The following TLR5 variants were observed in gnomAD, a reference collection of about 807,000 sequenced individuals.
TLR5 encodes toll-like receptor 5.
For synonymous variants in TLR5, 373 were observed against 384.4 expected (o/e 0.97, Z 0.35); for missense variants, 944 against 999.8 (o/e 0.94, Z 0.75).
At chr1:223,117,067 G>C (rs879581618) in intron 5 of TLR5, among the ~76,000 whole-genome samples, 1 of 152,190 alleles carries the variant, frequency 6.6e-6, no homozygotes, top group Non-Finnish European at 1.5e-5. Flanking sequence ...AGGGGGACTC[G>C]GGTATGGCGG....
intron 5 of TLR5, among the ~76,000 whole-genome samples, chr1:223,119,290 C>A (rs1100886): frequency 0.67 from 101,712 of 151,958 alleles, 35,549 homozygotes; most frequent in African/African-American, 0.88. Context: ...GCTCAAAATT[C>A]CCTCAGAACC....
chr1:223,121,180 T>TCATCTTCTAGTTGCACATAAG (rs1271448509), intron 5 of TLR5, among the ~76,000 whole-genome samples: 1 of 152,256 alleles, frequency 6.6e-6, no homozygotes, highest in Non-Finnish European at 1.5e-5. Context: ...TTAACTCATT[T>TCATCTTCTAGTTGCACATAAG]CATCTTCTAG....
At chr1:223,129,383 T>TA (rs1423555001) in intron 5 of TLR5, 3 of 152,462 alleles carry the variant, frequency 2.0e-5, no homozygotes, top group African/African-American at 7.2e-5. Context: ...CTCTTGCCCC[T>TA]AGCCCACCAG....
At position 223,110,283 on chromosome 1, in the gene TLR5, G is replaced by A. The variant is rs765456726; in HGVS notation, c.*172C>T. 158 of 668,242 alleles carry A rather than the reference G, an allele frequency of 2.4e-4. No individual in the cohort carries two copies. The highest frequency in any genetic ancestry group is 7.7e-4 in the South Asian group (40 of 52,088). The allele number at this position is 668,242 out of a possible 1,614,324, so 41.4% of individuals were successfully genotyped here. A position where few individuals can be genotyped will look rare whatever the true frequency, so the allele number is the denominator to read the frequency against. ...TAGATCTATTATTTTCCATTTGGAG[G>A]TTAGTGAGACAGAACATGGTGTTGA... On this transcript the variant is annotated 3_prime_UTR_variant, in exon 6 of 6. Coordinates refer to ENST00000642603, the MANE Select transcript of TLR5 (RefSeq NM_003268.6).
rs1656384031 is a variant in TLR5, at chr1:223,112,184, G to T, written c.848C>A (p.Ala283Asp). Residue 283 changes from alanine to aspartate, a missense_variant, in exon 6 of 6, where the codon GCT becomes GAT. Coordinates refer to ENST00000642603, the MANE Select transcript of TLR5 (RefSeq NM_003268.6). ...TCTCACTGAACTTCTGGCCAGGCCA[G>T]CAAATGTGTTCTGGTCAGGATCTTT... is the stretch of plus-strand genomic sequence containing the variant. ...NIKDPDQNTFAGLARSSVRHL... is the reference protein window; with the variant it reads ...NIKDPDQNTFDGLARSSVRHL... 6 of 1,614,130 alleles carry T rather than the reference G, an allele frequency of 3.7e-6. No homozygotes were observed. In the South Asian group the frequency reaches 6.6e-5, roughly 18 times the overall value.
Position 223,112,710 on chromosome 1 carries a change from A to G in TLR5, c.322T>C (p.Tyr108His), listed in dbSNP as rs142128289. The G allele has an allele frequency of 1.4e-5, 22 of 1,614,244 alleles. No individual in the cohort carries two copies. Among genetic ancestry groups the G allele is most frequent in the East Asian group, 1.1e-4 (5 of 44,888 alleles). Residue 108 changes from tyrosine (Y) to histidine (H), a missense_variant, in exon 6 of 6, where the codon TAC becomes CAC. Tyr to His is a moderately conservative substitution (Grantham distance 83). Coordinates refer to ENST00000642603, the MANE Select transcript of TLR5 (RefSeq NM_003268.6). ...TGAAAAGCATCTGGATGCAAGAAGT[A>G]TATCTTACTACTTCCCAGGTCCAAG... The part of the protein sequence containing the change: ...RILDLGSSKI[Y>H]FLHPDAFQGL...
At chr1:223,124,969 TGTGG>T (rs1312471859) in intron 5 of TLR5, among the ~76,000 whole-genome samples, 3 of 152,126 alleles carry the variant, frequency 2.0e-5, no homozygotes, top group African/African-American at 7.2e-5. Context: ...CAGCAACAGA[TGTGG>T]GTGCATGTGG....
chr1:223,122,189 C>T (rs1382373801), intron 5 of TLR5, among the ~76,000 whole-genome samples: 1 of 152,146 alleles, frequency 6.6e-6, no homozygotes, highest in African/African-American at 2.4e-5. Context: ...AGCATTGACA[C>T]CCCACAGTGT....
chr1:223,110,601 G>C lies in TLR5; in HGVS notation c.2431C>G (p.Gln811Glu). 6.2e-7 allele frequency: 1 copy of C among 1,614,172 alleles called. No individual in the cohort carries two copies. Among genetic ancestry groups the C allele is most frequent in the Non-Finnish European group, 8.5e-7 (1 of 1,180,038 alleles). The change falls in exon 6 of 6, where the codon CAG (glutamine) becomes GAG (glutamate). Residue 811 changes from glutamine to glutamate, a missense_variant. Gln to Glu is a conservative substitution (Grantham distance 29, BLOSUM62 2). Transcript: ENST00000642603. The stretch of plus-strand genomic sequence containing the variant: ...GGCCACCTCAAATACTGCTGTTTCT[G>C]TACAAAGCCTCTGATGGATTGATGT... ...MKHQSIRGFVQKQQYLRWPED... is the reference protein window; with the variant it reads ...MKHQSIRGFVEKQQYLRWPED...
chr1:223,117,452 C>T (rs1479613184), intron 5 of TLR5, among the ~76,000 whole-genome samples: 3 of 150,962 alleles, frequency 2.0e-5, no homozygotes, highest in African/African-American at 2.4e-5. Flanking sequence ...GAGGAGGCAC[C>T]GAGAGTGAGC....
rs551209868 is a variant in TLR5, at chr1:223,134,451, C to CA, written c.-170+230dup. On this transcript the variant is annotated intron_variant, in intron 4 of 5. Transcript: ENST00000642603. ...GGTGGTTCCCAGCATCAAAAAACAG[C>CA]AAAAACAGCAGCAAGCAAAGGCGCT... 13 of 152,224 alleles carry CA rather than the reference C, an allele frequency of 8.5e-5. No individual in the cohort carries two copies. In the East Asian group the frequency reaches 2.5e-3, roughly 29 times the overall value. 9.4% of individuals were successfully genotyped at this position (152,224 alleles called of 1,614,324 possible).
chr1:223,136,929 T>C (rs1307394246), intron 3 of TLR5, among the ~76,000 whole-genome samples: 2 of 152,040 alleles, frequency 1.3e-5, no homozygotes, highest in African/African-American at 4.8e-5. Context: ...GCTCAGGTGA[T>C]CCTCCCACCT....
At chr1:223,117,562 C>CAAAAAAAAA (rs66839180) in intron 5 of TLR5, among the ~76,000 whole-genome samples, 8 of 105,108 alleles carry the variant, frequency 7.6e-5, no homozygotes, top group East Asian at 2.8e-4. Flanking sequence ...ATGGTGTTCA[C>CAAAAAAAAA]AAAAAAAAAA....
At chr1:223,141,405 T>C (rs1385949751) in intron 2 of TLR5, 1 of 152,008 alleles carries the variant, frequency 6.6e-6, no homozygotes, top group Non-Finnish European at 1.5e-5. Flanking sequence ...CTGCCATCAT[T>C]TTGGAAGGAA....
intron 4 of TLR5, among the ~76,000 whole-genome samples, chr1:223,133,193 T>C (rs1190742866): frequency 6.6e-6 from 1 of 152,184 alleles, no homozygotes; most frequent in African/African-American, 2.4e-5. Context: ...TGGCTTATAG[T>C]GCTTTTCATT....
intron 4 of TLR5, among the ~76,000 whole-genome samples, chr1:223,133,556 AC>A (rs1657476270): frequency 6.6e-6 from 1 of 151,870 alleles, no homozygotes. Flanking sequence ...CCTGCTCATT[AC>A]CCCCATGCCC....
chr1:223,111,437 C>G lies in TLR5; in HGVS notation c.1595G>C (p.Ser532Thr), dbSNP rs905574616. The G allele has an allele frequency of 6.2e-7, 1 of 1,614,040 alleles. No homozygotes were observed. The highest frequency in any genetic ancestry group is 8.5e-7 in the Non-Finnish European group (1 of 1,180,036). The change falls in exon 6 of 6, where the codon AGC becomes ACC. Residue 532 changes from serine (S) to threonine (T), a missense_variant. Ser to Thr is a moderately conservative substitution (Grantham distance 58). Coordinates refer to ENST00000642603, the MANE Select transcript of TLR5 (RefSeq NM_003268.6). ...AACTGTCAGCCTGTTGGAGTTGAGG[C>G]TTAGTCCCCTTAATGCAGTCAGATG... ...FSHLTALRGL[S>T]LNSNRLTVLS...
chr1:223,133,919 G>A (rs990831061), intron 4 of TLR5, among the ~76,000 whole-genome samples: 1 of 152,222 alleles, frequency 6.6e-6, no homozygotes, highest in Admixed American at 6.5e-5. Flanking sequence ...GGGGCGCGGG[G>A]AGCTGCAAGC....
Position 223,112,743 on chromosome 1 carries a change from G to A in TLR5, c.289C>T (p.Leu97Phe). Reference sequence around the variant, plus strand: ...CTACTTCCCAGGTCCAAGATTCTAAGGTTGGGCAGGTTTCTGAAGGCCTCC... The same window carrying A: ...CTACTTCCCAGGTCCAAGATTCTAAAGTTGGGCAGGTTTCTGAAGGCCTCC... ...DKEAFRNLPN[L>F]RILDLGSSKI... Residue 97 changes from leucine (L) to phenylalanine (F), a missense_variant, in exon 6 of 6, where the codon CTT (leucine) becomes TTT (phenylalanine). Physicochemically the swap from Leu to Phe is conservative, Grantham distance 22. Transcript: ENST00000642603. The A allele has an allele frequency of 6.2e-7, 1 of 1,614,154 alleles. No homozygotes were observed. The highest frequency in any genetic ancestry group is 8.5e-7 in the Non-Finnish European group (1 of 1,180,012).
Sources: gnomAD v4.1 joint callset for allele counts (sites outside exome capture counted in the v4.1 genomes callset) on GRCh38, gnomAD v4.1.1 for gene constraint, MANE v1.5 for transcripts, NCBI Gene and HGNC (gene_info 2026-07-23, HGNC 2026-07-21) for gene names.